MAGED1: variants seen among roughly 807,000 people sequenced by gnomAD.
MAGED1 encodes MAGE family member D1.
A neutral mutation model predicts 54.1 loss-of-function variants in MAGED1; 3 were observed. That is an observed-to-expected ratio of 0.06 (90% confidence interval 0.03 to 0.14). The LOEUF (loss-of-function observed/expected upper bound fraction) is 0.14. Ranked by LOEUF, MAGED1 falls within the 10% of genes least tolerant of loss-of-function variation. The pLI, the probability that MAGED1 is intolerant of heterozygous loss-of-function variation, is 1.00. For missense variants in MAGED1, 485 were observed against 623.4 expected (o/e 0.78, Z 2.36); for synonymous variants, 217 against 227.3 (o/e 0.95, Z 0.41).
At chrX:51,899,225 C>T (rs1212521448) in intron 10 of MAGED1, 1 of 110,870 alleles carries the variant, frequency 9.0e-6, no homozygotes, top group Admixed American at 9.6e-5. Context: ...CTCACCGCAA[C>T]CTCTGCCTCC....
At chrX:51,811,776 C>T (rs183928776) in intron 1 of MAGED1, among the ~76,000 whole-genome samples, 2 of 110,846 alleles carry the variant, frequency 1.8e-5, no homozygotes, top group African/African-American at 3.3e-5. Flanking sequence ...AGTGAACAAG[C>T]GGGGAGTCAG....
At chrX:51,885,285 C>T (rs186833421) in intron 1 of MAGED1, among the ~76,000 whole-genome samples, 1 of 112,132 alleles carries the variant, frequency 8.9e-6, no homozygotes, top group Admixed American at 9.4e-5. Flanking sequence ...GAAATTATAT[C>T]TCTTTGTGGT....
intron 1 of MAGED1, among the ~76,000 whole-genome samples, chrX:51,811,582 G>A (rs1338887978): frequency 9.0e-6 from 1 of 111,353 alleles, no homozygotes; most frequent in African/African-American, 3.3e-5. Flanking sequence ...GAAGAATGTG[G>A]GGAAGCTTAT....
chrX:51,831,465 TAGTC>T (rs1387580316), intron 1 of MAGED1, among the ~76,000 whole-genome samples: 3 of 110,032 alleles, frequency 2.7e-5, no homozygotes, highest in Non-Finnish European at 5.7e-5. Context: ...ATAAAAGAAT[TAGTC>T]AGGCATGGTG....
chrX:51,845,761 T>C lies in MAGED1; in HGVS notation c.-37+42644T>C, dbSNP rs914522891. On this transcript the variant is annotated intron_variant, in intron 1 of 12. Coordinates refer to the MAGED1 transcript ENST00000375772. ...GAAATGAATATATTTTCTATGTGGA[T>C]CTGATGTGAATGTTTTGTTTTGTTT... Among the ~76,000 whole-genome samples the C allele has an allele frequency of 2.7e-5, 3 of 111,214 alleles. No individual in the cohort carries two copies. The Admixed American group carries it at 2.9e-4, about 11-fold the overall frequency.
rs1250083445 is a variant in MAGED1, at chrX:51,879,961, G to A, written c.-36-14308G>A. ...TTTTAGGGATGGGAAGAAATGCCAG[G>A]TAGGTTTGCAAGATCCTTAAGCAAT... On this transcript the variant is annotated intron_variant, in intron 1 of 12. Coordinates refer to the MAGED1 transcript ENST00000375772. Among the ~76,000 whole-genome samples, 94 of 112,426 alleles carry A rather than the reference G, an allele frequency of 8.4e-4. 3 individuals are homozygous for A. The highest frequency in any genetic ancestry group is 5.6e-5 in the Non-Finnish European group (3 of 53,302).
chrX:51,816,317 G>A (rs1557356064), intron 1 of MAGED1, among the ~76,000 whole-genome samples: 1 of 110,973 alleles, frequency 9.0e-6, no homozygotes, highest in Admixed American at 9.6e-5. Flanking sequence ...GTTTCACCAT[G>A]TTGGCCAGGC....
intron 1 of MAGED1, among the ~76,000 whole-genome samples, chrX:51,840,703 C>G (rs1344704582): frequency 9.2e-6 from 1 of 108,243 alleles, no homozygotes; most frequent in Non-Finnish European, 1.9e-5. Context: ...TTTGTCCTTG[C>G]GATAGTTTAC....
At chrX:51,821,201 T>C (rs1245189232) in intron 1 of MAGED1, among the ~76,000 whole-genome samples, 2 of 111,713 alleles carry the variant, frequency 1.8e-5, no homozygotes, top group Non-Finnish European at 3.8e-5. Flanking sequence ...ATTTTTACAT[T>C]CGAGATCATG....
rs782622180 is a variant in MAGED1, at chrX:51,895,325, G to A, written c.318G>A (p.Thr106=). 16 of 1,208,397 alleles carry A rather than the reference G, an allele frequency of 1.3e-5. No homozygotes were observed. The highest frequency in any genetic ancestry group is 6.6e-5 in the Admixed American group (3 of 45,658). ...QAHNAKDVPN[T]QPKAAFKSQN... is the part of the protein sequence containing the mutation. ...ATAATGCCAAGGATGTGCCCAACAC[G>A]CAGCCCAAGGCAGCCTTTAAGTCCC... is the stretch of plus-strand genomic sequence containing the variant. Residue 106 remains threonine (T), a synonymous_variant, in exon 3 of 13, where the codon ACG becomes ACA. Transcript: ENST00000326587.
At chrX:51,896,200 C>T (rs782675525) in intron 3 of MAGED1, 9 of 434,186 alleles carry the variant, frequency 2.1e-5, no homozygotes, top group Non-Finnish European at 3.2e-5. Flanking sequence ...GGAGAAGCCT[C>T]AGGCCCCATC....
At chrX:51,841,329 A>T (rs1303796632) in intron 1 of MAGED1, among the ~76,000 whole-genome samples, 7 of 109,405 alleles carry the variant, frequency 6.4e-5, no homozygotes, top group African/African-American at 2.3e-4. Context: ...TAGATTCTGG[A>T]TATTAGCCCT....
intron 1 of MAGED1, among the ~76,000 whole-genome samples, chrX:51,827,001 G>C (rs782193900): frequency 2.7e-5 from 3 of 112,486 alleles, no homozygotes; most frequent in Non-Finnish European, 1.9e-5. Context: ...GTAGGTGAAT[G>C]GATAAATTGT....
chrX:51,864,408 C>T (rs1485592797), intron 1 of MAGED1, among the ~76,000 whole-genome samples: 3 of 111,193 alleles, frequency 2.7e-5, no homozygotes, highest in Admixed American at 9.6e-5. Flanking sequence ...ATGCCAGTAC[C>T]ATGTTGTTTT....
chrX:51,835,136 A>T (rs1364536151), intron 1 of MAGED1, among the ~76,000 whole-genome samples: 4 of 111,759 alleles, frequency 3.6e-5, no homozygotes, highest in African/African-American at 9.7e-5. Context: ...TGGGAAGGTT[A>T]TACAGATGCT....
At chrX:51,866,075 A>C (rs927056101) in intron 1 of MAGED1, among the ~76,000 whole-genome samples, 2 of 112,139 alleles carry the variant, frequency 1.8e-5, no homozygotes, top group Non-Finnish European at 3.8e-5. Flanking sequence ...AGTCTCAGGA[A>C]TTTCCTTATA....
chrX:51,815,303 T>G (rs1016177887), intron 1 of MAGED1, among the ~76,000 whole-genome samples: 2 of 111,213 alleles, frequency 1.8e-5, no homozygotes, highest in African/African-American at 6.5e-5. Flanking sequence ...GGCATTGTTA[T>G]AGGAGATGAC....
intron 1 of MAGED1, among the ~76,000 whole-genome samples, chrX:51,878,960 C>A (rs2147000734): frequency 9.0e-6 from 1 of 111,170 alleles, no homozygotes; most frequent in Admixed American, 9.5e-5. Flanking sequence ...GTGTTATAAT[C>A]TCATGCTATG....
In MAGED1 at chrX:51,820,601, CTTTTT is replaced by C. The variant is rs1557356452; in HGVS notation, c.-37+17486_-37+17490del. Reference sequence around the variant, plus strand: ...ATGCTACTGTAAATGGACTTGTTTTCTTTTTTAAGTTTTATTTTATGTTTAATTGA... The same window carrying C: ...ATGCTACTGTAAATGGACTTGTTTTCTAAGTTTTATTTTATGTTTAATTGA... On this transcript the variant is annotated intron_variant, in intron 1 of 12. Transcript: ENST00000375772. 3.6e-5 allele frequency among the ~76,000 whole-genome samples: 4 copies of C among 110,776 alleles called. No individual in the cohort carries two copies. In the Admixed American group the frequency reaches 3.8e-4, roughly 11 times the overall value.
Sources: allele counts gnomAD v4.1 joint callset (sites outside exome capture counted in the v4.1 genomes callset), GRCh38; gene constraint gnomAD v4.1.1; transcripts MANE v1.5; gene names NCBI Gene and HGNC (gene_info 2026-07-23, HGNC 2026-07-21).